METAP1: variants seen among roughly 807,000 people sequenced by gnomAD.
METAP1 encodes methionine aminopeptidase 1.
A neutral mutation model predicts 53.8 loss-of-function variants in METAP1; 28 were observed. That is an observed-to-expected ratio of 0.52 (90% CI 0.39 to 0.71). METAP1 has a LOEUF of 0.71. Among genes scored for constraint, METAP1 ranks in the 30% least tolerant of loss-of-function variants. METAP1 has a pLI of 0.00. For synonymous variants in METAP1, 181 were observed against 165.7 expected, an observed-to-expected ratio of 1.09 and a Z score of -0.71; for missense variants, 389 against 479.8, an observed-to-expected ratio of 0.81 and a Z score of 1.77.
intron 1 of METAP1, among the ~76,000 whole-genome samples, chr4:99,015,976 C>A (rs969886773): frequency 6.6e-6 from 1 of 152,152 alleles, no homozygotes; most frequent in African/African-American, 2.4e-5. Flanking sequence ...GATGGGTCCA[C>A]CCCTTCTCGG....
chr4:99,021,401 G>T (rs979769357), intron 1 of METAP1, among the ~76,000 whole-genome samples: 2 of 152,150 alleles, frequency 1.3e-5, no homozygotes, highest in Non-Finnish European at 2.9e-5. Flanking sequence ...TACTGGGTGA[G>T]CCCTGGCTAT....
chr4:99,041,622 T>C (rs1725874422), intron 6 of METAP1, among the ~76,000 whole-genome samples: 1 of 152,032 alleles, frequency 6.6e-6, no homozygotes, highest in Non-Finnish European at 1.5e-5. Context: ...TAGATGAGTG[T>C]ACACATTATA....
At position 99,023,096 on chromosome 4, in the gene METAP1, C is replaced by A. The variant is rs1300174027; in HGVS notation, c.115-5771C>A. 2.5e-6 allele frequency: 3 copies of A among 1,190,980 alleles called. No homozygotes were observed. The African/African-American group carries it at 4.6e-5, about 18-fold the overall frequency. The allele number at this position is 1,190,980 out of a possible 1,614,324, so 73.8% of individuals were successfully genotyped here. On this transcript the variant is annotated intron_variant, in intron 1 of 10. Coordinates refer to ENST00000296411, the MANE Select transcript of METAP1 (RefSeq NM_015143.3). ...TGGTCTGTCCCTTCCAGCGCCTTTG[C>A]TCTGTTGCGGCCTTCTCCGATTCCT...
chr4:99,049,871 C>G (rs752527582), intron 9 of METAP1, among the ~76,000 whole-genome samples: 11 of 152,192 alleles, frequency 7.2e-5, no homozygotes, highest in Non-Finnish European at 1.6e-4. Flanking sequence ...TTAATGTTTA[C>G]AATGACAGTA....
At chr4:99,058,863 C>G (rs956860938) in intron 10 of METAP1, among the ~76,000 whole-genome samples, 8 of 152,224 alleles carry the variant, frequency 5.3e-5, no homozygotes, top group African/African-American at 1.9e-4. Context: ...ATTAGAATCT[C>G]TATCTTGCCA....
chr4:99,007,436 G>A (rs1458221958), intron 1 of METAP1, among the ~76,000 whole-genome samples: 1 of 152,120 alleles, frequency 6.6e-6, no homozygotes, highest in Admixed American at 6.5e-5. Flanking sequence ...CACTTGGAGA[G>A]TATGCATTTT....
At chr4:99,025,599 G>T (rs1403570953) in intron 1 of METAP1, 7 of 589,052 alleles carry the variant, frequency 1.2e-5, no homozygotes, top group Non-Finnish European at 1.5e-5. Flanking sequence ...ATTTTAGCTT[G>T]TAAACCAAAA....
Position 99,028,869 on chromosome 4 carries a change from A to G in METAP1, c.117A>G (p.Glu39=), listed in dbSNP as rs558524272. The G allele has an allele frequency of 5.3e-5, 81 of 1,539,610 alleles. No individual in the cohort carries two copies. The South Asian group carries it at 9.6e-4, about 18-fold the overall frequency. ...GIQGSYFCSQ[E]CFKGSWATHK... ...ATTTTCCTTTTTTGTTCTTTTAGGA[A>G]TGTTTTAAAGGAAGTTGGGCTACTC... Residue 39 remains glutamate (E), a splice_region_variant and synonymous_variant, in exon 2 of 11, where the codon GAA becomes GAG. Transcript: ENST00000296411.
intron 9 of METAP1, among the ~76,000 whole-genome samples, chr4:99,056,545 TTTG>T (rs1233563338): frequency 2.0e-5 from 3 of 148,626 alleles, no homozygotes; most frequent in African/African-American, 5.2e-5. Context: ...TGTTTTTTGT[TTTG>T]TTTTTTGTTT....
In METAP1 at chr4:99,047,698, G is replaced by C. The variant is rs190676203; in HGVS notation, c.788-1035G>C. 7.6e-4 allele frequency among the ~76,000 whole-genome samples: 115 copies of C among 152,310 alleles called. 1 individual carries two copies. Among genetic ancestry groups the C allele is most frequent in the African/African-American group, 2.5e-3 (104 of 41,564 alleles). On this transcript the variant is annotated intron_variant, in intron 8 of 10. Transcript: ENST00000296411. ...ATCAGATAGGCTGAGTAGGAGAGTA[G>C]AGAGAGTTAAGGATCCCCAGAGCCA...
intron 1 of METAP1, among the ~76,000 whole-genome samples, chr4:99,020,468 G>A (rs1200836360): frequency 6.6e-6 from 1 of 152,138 alleles, no homozygotes; most frequent in African/African-American, 2.4e-5. Context: ...AGATATCAGA[G>A]ACTTCTGCCT....
chr4:99,045,375 G>A (rs1054130622), intron 8 of METAP1, 65 bp downstream of exon 8: 6 of 1,576,000 alleles, frequency 3.8e-6, no homozygotes, highest in Admixed American at 3.5e-5. Flanking sequence ...ATGACTGGGC[G>A]CTGCAGTTCT....
intron 1 of METAP1, among the ~76,000 whole-genome samples, chr4:99,020,728 A>G (rs1724058839): frequency 6.6e-6 from 1 of 152,174 alleles, no homozygotes; most frequent in Non-Finnish European, 1.5e-5. Context: ...CTATTAACAT[A>G]CAGTATTAGA....
At chr4:98,998,575 G>A (rs904856204) in intron 1 of METAP1, among the ~76,000 whole-genome samples, 1 of 152,092 alleles carries the variant, frequency 6.6e-6, no homozygotes, top group African/African-American at 2.4e-5. Flanking sequence ...AGAAATTAGG[G>A]ATTTTCCTTA....
At chr4:99,061,055 A>G in intron 10 of METAP1, 99 bp from the exon 11 acceptor site, 1 of 1,259,328 alleles carries the variant, frequency 7.9e-7, no homozygotes, top group Admixed American at 2.5e-5. Flanking sequence ...TTGGCATGTA[A>G]ATAAGGATCT....
At chr4:99,046,343 A>G (rs1726230814) in intron 8 of METAP1, among the ~76,000 whole-genome samples, 1 of 152,068 alleles carries the variant, frequency 6.6e-6, no homozygotes, top group Non-Finnish European at 1.5e-5. Context: ...GAACCTGGGA[A>G]GTGGATTGTG....
Position 99,061,211 on chromosome 4 carries a change from A to G in METAP1, c.1055A>G (p.Lys352Arg), listed in dbSNP as rs979754764. Residue 352 changes from lysine (K) to arginine (R), a missense_variant, in exon 11 of 11, where the codon AAG (lysine) becomes AGG (arginine). By Grantham distance (26) the Lys-to-Arg change is conservative (BLOSUM62 2). Coordinates refer to ENST00000296411, the MANE Select transcript of METAP1 (RefSeq NM_015143.3). ...TGGACTGCGGTGACAAGAGACGGAA[A>G]GCGGTCTGCTCAGTTTGAGCACACC... ...DGWTAVTRDGKRSAQFEHTLL... is the reference protein window; with the variant it reads ...DGWTAVTRDGRRSAQFEHTLL... 2.5e-6 allele frequency: 4 copies of G among 1,613,894 alleles called. No homozygotes were observed. In the African/African-American group the frequency reaches 4.0e-5, roughly 16 times the overall value.
Position 99,043,360 on chromosome 4 carries a change from C to A in METAP1, c.628C>A (p.Pro210Thr). 1 of 1,602,538 alleles carries A rather than the reference C, an allele frequency of 6.2e-7. No homozygotes were observed. The highest frequency in any genetic ancestry group is 2.2e-5 in the East Asian group (1 of 44,484). Reference protein sequence around the residue: ...VICHGIPDRRPLQEGDIVNVD... With the variant: ...VICHGIPDRRTLQEGDIVNVD... ...TTGCCATGGAATACCAGACAGAAGG[C>A]CCTTACAAGAAGGTGACATTGTTAA... The change falls in exon 7 of 11, where the codon CCC becomes ACC. Residue 210 changes from proline to threonine, a missense_variant. Pro to Thr is a conservative substitution (Grantham distance 38). Coordinates refer to ENST00000296411, the MANE Select transcript of METAP1 (RefSeq NM_015143.3).
intron 2 of METAP1, among the ~76,000 whole-genome samples, chr4:99,030,444 G>C (rs1038254836): frequency 6.6e-6 from 1 of 152,080 alleles, no homozygotes; most frequent in Admixed American, 6.6e-5. Flanking sequence ...TTGCTCTGTT[G>C]GATCTTTTGG....
Sources: gnomAD v4.1 joint callset for allele counts (sites outside exome capture counted in the v4.1 genomes callset) on GRCh38, gnomAD v4.1.1 for gene constraint, MANE v1.5 for transcripts, NCBI Gene and HGNC (gene_info 2026-07-23, HGNC 2026-07-21) for gene names.